Variants in NEU4 observed in about 807,000 individuals in gnomAD.
NEU4 encodes sialidase-4.
Under a neutral mutation model 9.9 loss-of-function variants are expected in NEU4, and 7 were observed. The observed-to-expected ratio is 0.71, with a 90% CI of 0.40 to 1.33. NEU4 has a LOEUF of 1.33. NEU4 is among the 40% of genes most tolerant of loss of function. NEU4 has a pLI of 0.01. For synonymous variants in NEU4, 348 were observed against 316.9 expected, an observed-to-expected ratio of 1.10 and a Z score of -1.04; for missense variants, 717 against 712.6, an observed-to-expected ratio of 1.01 and a Z score of -0.07.
At chr2:241,814,010 G>T in intron 1 of NEU4, 1 of 354,966 alleles carries the variant, frequency 2.8e-6, no homozygotes. Context: ...TCTCTGCTGT[G>T]GCTTCCACGG....
At chr2:241,815,608 C>G (rs1342053415) in intron 3 of NEU4, 2 of 504,648 alleles carry the variant, frequency 4.0e-6, no homozygotes, top group Non-Finnish European at 7.9e-6. Context: ...CCACCCCTTC[C>G]TCTTATTCTT....
intron 1 of NEU4, chr2:241,811,876 G>A (rs1005069509): frequency 5.3e-6 from 1 of 188,266 alleles, no homozygotes. Flanking sequence ...TCTGTGGTCG[G>A]AGTCTTCGCC....
intron 1 of NEU4, chr2:241,813,916 T>C: frequency 6.6e-6 from 2 of 303,526 alleles, no homozygotes; most frequent in Non-Finnish European, 1.3e-5. Context: ...ACTCCCCCGA[T>C]GACGTTCAGG....
At chr2:241,810,985 T>C (rs73014012) in intron 1 of NEU4, 769,729 of 1,002,592 alleles carry the variant, frequency 0.77, 297,018 homozygotes, top group African/African-American at 0.96. Context: ...TAGAGCCCAG[T>C]GAGGCCTGTG....
chr2:241,810,047 T>C (rs895258080), intron 1 of NEU4: 1 of 152,108 alleles, frequency 6.6e-6, no homozygotes, highest in African/African-American at 2.4e-5. Context: ...CACCCAGTTC[T>C]GGTTGGGCTG....
At chr2:241,815,834 G>A in intron 3 of NEU4, 3 of 603,040 alleles carry the variant, frequency 5.0e-6, no homozygotes, top group Non-Finnish European at 8.8e-6. Context: ...CTCCCTGGGT[G>A]CCGTCCACCT....
In NEU4 at chr2:241,814,511, G is replaced by T; in HGVS notation, c.27G>T (p.Arg9=). MGVPRTPS[R]TVLFERERTG... The stretch of plus-strand genomic sequence containing the variant: ...TGGGGGTCCCTCGTACCCCTTCACG[G>T]ACAGTGCTCTTCGAGCGGGAGAGGA... The change falls in exon 2 of 4, where the codon CGG becomes CGT. Residue 9 remains arginine (R), a synonymous_variant. Coordinates refer to ENST00000407683, the MANE Select transcript of NEU4 (RefSeq NM_001167600.3). 1 of 1,611,204 alleles carries T rather than the reference G, an allele frequency of 6.2e-7. No individual in the cohort carries two copies. The highest frequency in any genetic ancestry group is 8.5e-7 in the Non-Finnish European group (1 of 1,178,582).
rs985035427 is a variant in NEU4 at position 241,816,726 on chromosome 2, T to C, written c.1133T>C (p.Leu378Pro). The change falls in exon 4 of 4, where the codon CTG becomes CCG. Residue 378 changes from leucine to proline, a missense_variant. By Grantham distance (98) the Leu-to-Pro change is moderately conservative (BLOSUM62 -3). Coordinates refer to ENST00000407683, the MANE Select transcript of NEU4 (RefSeq NM_001167600.3). Reference protein sequence around the residue: ...FAAPPQSPTWLLYSHPVGRRA... With the variant: ...FAAPPQSPTWPLYSHPVGRRA... ...GCCCCGCCCCAGAGCCCCACGTGGC[T>C]GCTGTACTCCCACCCAGTGGGGCGC... The C allele has an allele frequency of 3.8e-6, 6 of 1,560,488 alleles. No homozygotes were observed. The highest frequency in any genetic ancestry group is 5.2e-6 in the Non-Finnish European group (6 of 1,154,192).
At chr2:241,809,349 T>C (rs1476996150) in intron 1 of NEU4, 75 bp downstream of exon 1, 1 of 852,750 alleles carries the variant, frequency 1.2e-6, no homozygotes, top group Admixed American at 2.4e-5. Context: ...GTAGAGAGTG[T>C]TGAGAACAGC....
rs572240068 is a variant in NEU4 at position 241,815,035 on chromosome 2, C to T, written c.345C>T (p.Ile115=). ...VLGHTPEAVQ[I]ATGRNAARLC... is the part of the protein sequence containing the mutation. ...GCCACACGCCTGAGGCCGTGCAGAT[C>T]GCCACGGGAAGGAACGCCGCGCGCC... The change falls in exon 3 of 4, where the codon ATC becomes ATT. Residue 115 remains isoleucine (I), a synonymous_variant. Transcript: ENST00000407683. 2.9e-5 allele frequency: 47 copies of T among 1,599,504 alleles called. No individual in the cohort carries two copies. The highest frequency in any genetic ancestry group is 1.3e-4 in the East Asian group (6 of 44,626).
In NEU4 at chr2:241,815,108, C is replaced by T. The variant is rs780252296; in HGVS notation, c.418C>T (p.Arg140Trp). ...RDAGLSWGSA[R>W]DLTEEAIGGA... ...CGCCGGCCTCTCGTGGGGCAGCGCC[C>T]GGGACCTCACCGAGGAGGCCATCGG... Residue 140 changes from arginine to tryptophan, a missense_variant, in exon 3 of 4, where the codon CGG (arginine) becomes TGG (tryptophan). Coordinates refer to ENST00000407683, the MANE Select transcript of NEU4 (RefSeq NM_001167600.3). 115 of 1,575,294 alleles carry T rather than the reference C, an allele frequency of 7.3e-5. No homozygotes were observed. The highest frequency in any genetic ancestry group is 9.3e-5 in the Non-Finnish European group (108 of 1,165,814).
In NEU4 at chr2:241,815,152, G is replaced by T. The variant is rs1416260930; in HGVS notation, c.457+5G>T. 1.3e-6 allele frequency: 2 copies of T among 1,539,442 alleles called. No homozygotes were observed. The highest frequency in any genetic ancestry group is 1.8e-5 in the Admixed American group (1 of 54,552). On this transcript the variant is annotated splice_donor_5th_base_variant and intron_variant, in intron 3 of 3. Coordinates refer to ENST00000407683, the MANE Select transcript of NEU4 (RefSeq NM_001167600.3). ...CCATCGGTGGTGCCGTGCAGGGTAG[G>T]CGGGCAGGGTGCCGGTCTGGGTCCC...
At chr2:241,812,172 C>T (rs1700138425) in intron 1 of NEU4, among the ~76,000 whole-genome samples, 2 of 146,912 alleles carry the variant, frequency 1.4e-5, no homozygotes, top group Admixed American at 1.4e-4. Context: ...TTGGGGCACC[C>T]ACACAGGATG....
At chr2:241,810,932 A>G (rs1700094325) in intron 1 of NEU4, 1 of 988,970 alleles carries the variant, frequency 1.0e-6, no homozygotes, top group African/African-American at 1.7e-5. Flanking sequence ...GGCACAGGAC[A>G]TTGCGATGGG....
At chr2:241,812,274 G>A (rs1290230456) in intron 1 of NEU4, among the ~76,000 whole-genome samples, 1 of 152,106 alleles carries the variant, frequency 6.6e-6, no homozygotes, top group Non-Finnish European at 1.5e-5. Flanking sequence ...AGGGGTCCAC[G>A]GACCAGAAGG....
At chr2:241,810,480 C>T (rs1700078376) in intron 1 of NEU4, 1 of 152,358 alleles carries the variant, frequency 6.6e-6, no homozygotes, top group Admixed American at 6.5e-5. Flanking sequence ...TTTCCCACCA[C>T]AGCGCCCCAG....
intron 1 of NEU4, chr2:241,811,070 C>T: frequency 8.8e-7 from 1 of 1,139,636 alleles, no homozygotes; most frequent in Non-Finnish European, 1.1e-6. Context: ...CTCACGGAGC[C>T]CTCCTGGCAG....
intron 1 of NEU4, chr2:241,811,538 G>C: frequency 2.3e-6 from 3 of 1,301,864 alleles, no homozygotes; most frequent in Non-Finnish European, 3.0e-6. Context: ...CGCTCCTGAG[G>C]TATCTGTCCA....
chr2:241,814,113 G>A, intron 1 of NEU4: 1 of 571,888 alleles, frequency 1.7e-6, no homozygotes, highest in Non-Finnish European at 3.4e-6. Context: ...GGCGAATTCT[G>A]GGATGACCCT....
Sources: allele counts gnomAD v4.1 joint callset (sites outside exome capture counted in the v4.1 genomes callset), GRCh38; gene constraint gnomAD v4.1.1; transcripts MANE v1.5; gene names NCBI Gene and HGNC (gene_info 2026-07-23, HGNC 2026-07-21).